SEPTIN9: variants seen among roughly 807,000 people sequenced by gnomAD.
SEPTIN9 encodes septin-9.
A neutral mutation model predicts 56.6 loss-of-function variants in SEPTIN9; 13 were observed. That is an observed-to-expected ratio of 0.23 (90% CI 0.15 to 0.37). The LOEUF (loss-of-function observed/expected upper bound fraction) is 0.37. Among genes scored for constraint, SEPTIN9 ranks in the 10% least tolerant of loss-of-function variants. The pLI is 1.00. For missense variants in SEPTIN9, 650 were observed against 823.1 expected (o/e 0.79, Z 2.57); for synonymous variants, 332 against 334.1 (o/e 0.99, Z 0.07).
Position 77,399,487 on chromosome 17 carries a change from C to T in SEPTIN9, c.77-2572C>T, listed in dbSNP as rs74702026. On this transcript the variant is annotated intron_variant, in intron 2 of 11. Transcript: ENST00000427177. ...GGAGGCAGGGAGCAGATCAGAGGACCGCGGGAGGCCCTGGGAACCGCACGA... is the reference window on the plus strand; with the variant it reads ...GGAGGCAGGGAGCAGATCAGAGGACTGCGGGAGGCCCTGGGAACCGCACGA... Among the ~76,000 whole-genome samples the T allele has an allele frequency of 4.7e-3, 710 of 152,210 alleles. 18 individuals carry two copies. In the South Asian group the frequency reaches 0.05, roughly 11 times the overall value.
chr17:77,282,138 A>T (rs904926272), intron 1 of SEPTIN9, among the ~76,000 whole-genome samples: 3 of 152,184 alleles, frequency 2.0e-5, no homozygotes, highest in African/African-American at 7.2e-5. Flanking sequence ...AAGTAGGCGA[A>T]GGGGGCCTGA....
intron 2 of SEPTIN9, among the ~76,000 whole-genome samples, chr17:77,378,028 G>C (rs1468362209): frequency 2.0e-5 from 3 of 152,124 alleles, no homozygotes; most frequent in Non-Finnish European, 4.4e-5. Context: ...ACTACGAGTT[G>C]GTTCATTTAG....
intron 3 of SEPTIN9, among the ~76,000 whole-genome samples, chr17:77,480,885 C>T (rs764285936): frequency 2.0e-4 from 30 of 152,130 alleles, no homozygotes; most frequent in Non-Finnish European, 2.9e-4. Context: ...CAAGCAGGGA[C>T]GGGGGCACAG....
chr17:77,428,484 AC>A (rs1422146539), intron 3 of SEPTIN9, among the ~76,000 whole-genome samples: 1 of 152,302 alleles, frequency 6.6e-6, no homozygotes, highest in East Asian at 1.9e-4. Flanking sequence ...TAACAGTTCC[AC>A]CCCCAAACTG....
chr17:77,441,446 C>T (rs1041143772), intron 3 of SEPTIN9, among the ~76,000 whole-genome samples: 2 of 152,238 alleles, frequency 1.3e-5, no homozygotes, highest in African/African-American at 2.4e-5. Context: ...CATGCTTAGA[C>T]ACTTCGTGTG....
rs2033268866 is a variant in SEPTIN9, at chr17:77,329,553, G to T, written c.76+22356G>T. ...GGTACCTGGCAGCCTCAAGGCAGGAGCTGGGGTGTTGGAGGAGGAAGCACG... is the reference window on the plus strand; with the variant it reads ...GGTACCTGGCAGCCTCAAGGCAGGATCTGGGGTGTTGGAGGAGGAAGCACG... On this transcript the variant is annotated intron_variant, in intron 2 of 11. Transcript: ENST00000427177. The surrounding 1 kb of genome is among the most constrained non-coding windows in gnomAD (Gnocchi z 4.3). Among the ~76,000 whole-genome samples, 1 of 152,194 alleles carries T rather than the reference G, an allele frequency of 6.6e-6. No homozygotes were observed. Among genetic ancestry groups the T allele is most frequent in the African/African-American group, 2.4e-5 (1 of 41,444 alleles).
intron 2 of SEPTIN9, chr17:77,373,395 A>T: frequency 8.0e-7 from 1 of 1,250,686 alleles, no homozygotes; most frequent in Non-Finnish European, 1.0e-6. Context: ...TCTGCACTGC[A>T]GGAGCGCGGG....
At chr17:77,493,334 C>T (rs535184307) in intron 10 of SEPTIN9, 104 of 512,354 alleles carry the variant, frequency 2.0e-4, no homozygotes, top group South Asian at 1.3e-3. Context: ...GGATGGGGGC[C>T]GCCAAGTTCT....
chr17:77,308,382 A>G (rs1190680655), intron 2 of SEPTIN9, among the ~76,000 whole-genome samples: 1 of 152,242 alleles, frequency 6.6e-6, no homozygotes, highest in African/African-American at 2.4e-5. Flanking sequence ...CTACGGGGGC[A>G]AGGGCATGTG....
chr17:77,437,381 C>T lies in SEPTIN9; in HGVS notation c.721+34678C>T, dbSNP rs781210341. On this transcript the variant is annotated intron_variant, in intron 3 of 11. Transcript: ENST00000427177. This position sits in a 1 kb window ranked among gnomAD's most constrained non-coding sequence, Gnocchi z 5.3. ...CCCCAGGAGCTCCCTATGGGGAAGC[C>T]GGAATGGACCTGGGCTCAGAGATTG... Among the ~76,000 whole-genome samples the T allele has an allele frequency of 5.9e-5, 9 of 152,108 alleles. No homozygotes were observed. The highest frequency in any genetic ancestry group is 1.0e-4 in the Non-Finnish European group (7 of 68,010).
chr17:77,498,678 CGGGATCCTGCCCCCAAGTCATTTCCGT>C lies in SEPTIN9; in HGVS notation c.*21_*47del. On this transcript the variant is annotated 3_prime_UTR_variant, in exon 12 of 12. Coordinates refer to ENST00000427177, the MANE Select transcript of SEPTIN9 (RefSeq NM_001113491.2). ...ATGTAGACGCCACCCTGCCCACCCC[CGGGATCCTGCCCCCAAGTCATTTCCGT>C]CCCCCCCCAGGCCCTCCCACCACCC... 1 of 1,511,228 alleles carries C rather than the reference CGGGATCCTGCCCCCAAGTCATTTCCGT, an allele frequency of 6.6e-7. No individual in the cohort carries two copies. Among genetic ancestry groups the C allele is most frequent in the Non-Finnish European group, 8.9e-7 (1 of 1,123,268 alleles). 93.6% of individuals were successfully genotyped at this position (1,511,228 alleles called of 1,614,324 possible). A position where few individuals can be genotyped will look rare whatever the true frequency, so the allele number is the denominator to read the frequency against.
In SEPTIN9 at chr17:77,400,596, G is replaced by C. The variant is rs759465871; in HGVS notation, c.77-1463G>C. On this transcript the variant is annotated intron_variant, in intron 2 of 11. Transcript: ENST00000427177. This position sits in a 1 kb window ranked among gnomAD's most constrained non-coding sequence, Gnocchi z 4.1. ...ATTTGGAGGAAGAGAGACGGGTGAG[G>C]GGAAGGCACTGAAATTGGTCCTGGA... 1 of 152,278 alleles carries C rather than the reference G, an allele frequency of 6.6e-6. No homozygotes were observed. Among genetic ancestry groups the C allele is most frequent in the Non-Finnish European group, 1.5e-5 (1 of 68,098 alleles). 9.4% of individuals were successfully genotyped at this position (152,278 alleles called of 1,614,324 possible).
At chr17:77,403,932 A>G (rs1022279457) in intron 3 of SEPTIN9, among the ~76,000 whole-genome samples, 3 of 151,932 alleles carry the variant, frequency 2.0e-5, no homozygotes, top group Non-Finnish European at 4.4e-5. Flanking sequence ...CAAGCTCCCC[A>G]TGCCCCTCCC....
At position 77,317,735 on chromosome 17, in the gene SEPTIN9, C is replaced by T. The variant is rs2032761034; in HGVS notation, c.76+10538C>T. On this transcript the variant is annotated intron_variant, in intron 2 of 11. Coordinates refer to ENST00000427177, the MANE Select transcript of SEPTIN9 (RefSeq NM_001113491.2). The surrounding 1 kb of genome is among the most constrained non-coding windows in gnomAD (Gnocchi z 4.2). ...GTGCAGTGGCTCACACCTGTAATCC[C>T]AGAGTGAAACTCTGTCTCAAAAAAT... 6.6e-6 allele frequency among the ~76,000 whole-genome samples: 1 copy of T among 152,042 alleles called. No individual in the cohort carries two copies. The highest frequency in any genetic ancestry group is 2.4e-5 in the African/African-American group (1 of 41,380).
intron 1 of SEPTIN9, among the ~76,000 whole-genome samples, chr17:77,303,083 A>G (rs779936074): frequency 6.6e-6 from 1 of 151,800 alleles, no homozygotes; most frequent in African/African-American, 2.4e-5. Context: ...ATATCTCGTC[A>G]AAGTGTGTTT....
At chr17:77,388,596 C>G (rs2144018830) in intron 2 of SEPTIN9, among the ~76,000 whole-genome samples, 1 of 152,264 alleles carries the variant, frequency 6.6e-6, no homozygotes, top group South Asian at 2.1e-4. Flanking sequence ...AACCTCTCCC[C>G]TGGCTCTGCA....
At chr17:77,357,200 G>A (rs982941823) in intron 2 of SEPTIN9, among the ~76,000 whole-genome samples, 1 of 152,068 alleles carries the variant, frequency 6.6e-6, no homozygotes, top group South Asian at 2.1e-4. Context: ...GAAGCAAGGG[G>A]GCTTGAAGAC....
chr17:77,334,176 A>G (rs1311282801), intron 2 of SEPTIN9, among the ~76,000 whole-genome samples: 1 of 152,106 alleles, frequency 6.6e-6, no homozygotes, highest in African/African-American at 2.4e-5. Flanking sequence ...TAATCCCAGC[A>G]CTTTGGGAGG....
intron 2 of SEPTIN9, among the ~76,000 whole-genome samples, chr17:77,379,386 G>A (rs373983667): frequency 6.6e-6 from 1 of 151,812 alleles, no homozygotes; most frequent in African/African-American, 2.4e-5. Context: ...GGTGGAGAGC[G>A]TGCATGGTGG....
Sources: allele counts gnomAD v4.1 joint callset (sites outside exome capture counted in the v4.1 genomes callset), GRCh38; gene constraint gnomAD v4.1.1; non-coding constraint Gnocchi (gnomAD v3.1); transcripts MANE v1.5; gene names NCBI Gene and HGNC (gene_info 2026-07-23, HGNC 2026-07-21).